Variants in ART5 observed in about 807,000 individuals in gnomAD.
ART5 encodes the protein ADP-ribosyltransferase 5, also known as ecto-ADP-ribosyltransferase 5.
Under a neutral mutation model 25.0 loss-of-function variants are expected in ART5, and 22 were observed. The ratio of observed to expected loss-of-function variants is 0.88; its 90% CI spans 0.63 to 1.26. The LOEUF is 1.26. Among genes scored for constraint, ART5 ranks in the 50% most tolerant of loss-of-function variants. The probability of loss-of-function intolerance (pLI) is 0.00; values close to 1 mark genes in which losing one functional copy is unlikely to be tolerated. For missense variants in ART5, 402 were observed against 372.8 expected, an observed-to-expected ratio of 1.08 and a Z score of -0.64; for synonymous variants, 161 against 154.8, an observed-to-expected ratio of 1.04 and a Z score of -0.30.
At position 3,639,894 on chromosome 11, in the gene ART5, C is replaced by T. The variant is rs1249097353; in HGVS notation, c.535G>A (p.Gly179Ser). 1.2e-6 allele frequency: 2 copies of T among 1,614,026 alleles called. No homozygotes were observed. The highest frequency in any genetic ancestry group is 2.2e-5 in the East Asian group (1 of 44,884). ...PKRLGDSVRLGQFASSSLDKA... is the reference protein window; with the variant it reads ...PKRLGDSVRLSQFASSSLDKA... Reference sequence around the variant, plus strand: ...TCCAGGGAGCTGGAGGCAAACTGGCCCAAGCGGACAGAGTCTCCCAGCCTC... The same window carrying T: ...TCCAGGGAGCTGGAGGCAAACTGGCTCAAGCGGACAGAGTCTCCCAGCCTC... Residue 179 changes from glycine to serine, a missense_variant, in exon 2 of 4, where the codon GGC becomes AGC. Physicochemically the swap from Gly to Ser is moderately conservative, Grantham distance 56 (BLOSUM62 0). Transcript: ENST00000397068.
Position 3,638,606 on chromosome 11 carries a change from CT to C in ART5, c.*131del. 8.7e-7 allele frequency: 1 copy of C among 1,147,116 alleles called. No homozygotes were observed. Among genetic ancestry groups the C allele is most frequent in the Non-Finnish European group, 1.3e-6 (1 of 774,090 alleles). 71.1% of individuals were successfully genotyped at this position (1,147,116 alleles called of 1,614,324 possible). ...GTTCAATCAAGTGGCTGCCTCAGTA[CT>C]TTCCTTGCTTGTCCCAGGAAGTCCC... On this transcript the variant is annotated 3_prime_UTR_variant, in exon 4 of 4. Transcript: ENST00000397068.
intron 1 of ART5, among the ~76,000 whole-genome samples, chr11:3,640,676 TCTCCCACCTCAGC>T (rs2077383612): frequency 6.6e-6 from 1 of 151,482 alleles, no homozygotes; most frequent in South Asian, 2.1e-4. Context: ...TTGGAGTGAT[TCTCCCACCTCAGC>T]CTCCCAACTA....
At chr11:3,642,249 G>A (rs1354008263), upstream of ART5, 2 of 1,041,682 alleles carry the variant, frequency 1.9e-6, no homozygotes, top group Non-Finnish European at 2.3e-6. Flanking sequence ...GTCCCCGGAG[G>A]AGTCCGGAGT....
At position 3,639,889 on chromosome 11, in the gene ART5, C is replaced by A. The variant is rs2077366288; in HGVS notation, c.540G>T (p.Gln180His). Residue 180 changes from glutamine (Q) to histidine (H), a missense_variant, in exon 2 of 4, where the codon CAG becomes CAT. Physicochemically the swap from Gln to His is conservative, Grantham distance 24. Transcript: ENST00000397068. ...KRLGDSVRLG[Q>H]FASSSLDKAV... is the part of the protein sequence containing the mutation. ...CCTTATCCAGGGAGCTGGAGGCAAA[C>A]TGGCCCAAGCGGACAGAGTCTCCCA... is the stretch of plus-strand genomic sequence containing the variant. 1 of 1,614,056 alleles carries A rather than the reference C, an allele frequency of 6.2e-7. No individual in the cohort carries two copies. The highest frequency in any genetic ancestry group is 1.7e-5 in the Admixed American group (1 of 60,002).
At chr11:3,642,282 G>A (rs1052007555), upstream of ART5, 2 of 1,031,974 alleles carry the variant, frequency 1.9e-6, no homozygotes, top group Non-Finnish European at 2.3e-6. Context: ...AAAGGTTCTC[G>A]AGGCTAACTG....
In ART5 at chr11:3,639,846, CA is replaced by C. The variant is rs2077365905; in HGVS notation, c.582del (p.Phe194LeufsTer9). The C allele has an allele frequency of 1.2e-6, 2 of 1,614,178 alleles. No homozygotes were observed. The highest frequency in any genetic ancestry group is 1.7e-6 in the Non-Finnish European group (2 of 1,180,024). On this transcript the variant is annotated frameshift_variant, in exon 2 of 4. Transcript: ENST00000397068. LOFTEE classifies it high-confidence loss of function. ...SSLDKAVAHR[F>X]GNATLFSLTT... is the part of the protein sequence containing the mutation. ...GTTAGAGAGAAGAGGGTGGCATTAC[CA>C]AATCTGTGGGCCACTGCCTTATCCA...
At position 3,639,007 on chromosome 11, in the gene ART5, C is replaced by A; in HGVS notation, c.816G>T (p.Ala272=). 1.3e-6 allele frequency: 2 copies of A among 1,553,490 alleles called. No homozygotes were observed. The highest frequency in any genetic ancestry group is 3.9e-5 in the Admixed American group (2 of 51,364). ...GGEKRRGCVS[A]PGALGTGDLH... is the part of the protein sequence containing the mutation. ...GAGGATGGAAGGGCAACTCACCTGGCGCAGACACACAGCCCCGCCTCTTCT... is the reference window on the plus strand; with the variant it reads ...GAGGATGGAAGGGCAACTCACCTGGAGCAGACACACAGCCCCGCCTCTTCT... The change falls in exon 3 of 4, where the codon GCG becomes GCT. Residue 272 remains alanine (A), a synonymous_variant. Coordinates refer to ENST00000397068, the MANE Select transcript of ART5 (RefSeq NM_053017.5).
upstream of ART5, chr11:3,642,252 TC>T (rs2077416509): frequency 9.5e-7 from 1 of 1,053,286 alleles, no homozygotes; most frequent in Non-Finnish European, 1.2e-6. Context: ...CCCGGAGGAG[TC>T]CGGAGTCCGG....
In ART5 at chr11:3,638,708, G is replaced by C. The variant is rs552922127; in HGVS notation, c.*30C>G. ...ATCCTGGTTGGGGAGAAGGCTGCTA[G>C]GGCTGGGTCCGGAACCATGTTCTTG... On this transcript the variant is annotated 3_prime_UTR_variant, in exon 4 of 4. Transcript: ENST00000397068. 5 of 1,613,944 alleles carry C rather than the reference G, an allele frequency of 3.1e-6. No individual in the cohort carries two copies. In the African/African-American group the frequency reaches 4.0e-5, roughly 13 times the overall value.
intron 3 of ART5, 96 bp from the exon 4 acceptor site, chr11:3,638,889 G>A: frequency 6.2e-7 from 1 of 1,610,652 alleles, no homozygotes; most frequent in South Asian, 1.1e-5. Context: ...CAGAGAGGAG[G>A]CCCCCTCAGA....
rs148523079 is a variant in ART5 at position 3,639,026 on chromosome 11, C to A, written c.797G>T (p.Arg266Met). The A allele has an allele frequency of 7.3e-3, 11,263 of 1,552,804 alleles. 53 individuals are homozygous for A. The highest frequency in any genetic ancestry group is 8.8e-3 in the South Asian group (739 of 84,178). The stretch of plus-strand genomic sequence containing the variant: ...ACCTGGCGCAGACACACAGCCCCGC[C>A]TCTTCTCCCCTGCAACAGACAGCAG... ...FNCAYLGGEKRRGCVSAPGAL... is the reference protein window; with the variant it reads ...FNCAYLGGEKMRGCVSAPGAL... The change falls in exon 3 of 4, where the codon AGG becomes ATG. Residue 266 changes from arginine to methionine, a missense_variant. By Grantham distance (91) the Arg-to-Met change is moderately conservative. Coordinates refer to ENST00000397068, the MANE Select transcript of ART5 (RefSeq NM_053017.5).
rs1416300682 is a variant in ART5, at chr11:3,640,285, C to G, written c.144G>C (p.Glu48Asp). The G allele has an allele frequency of 2.0e-5, 32 of 1,613,286 alleles. No individual in the cohort carries two copies. Among genetic ancestry groups the G allele is most frequent in the African/African-American group, 2.7e-5 (2 of 74,950 alleles). ...CCTCCTTTAGCAGGGGGGCTGCCTTCTCCTCCATCTCCTCTGCACAACCCA... is the reference window on the plus strand; with the variant it reads ...CCTCCTTTAGCAGGGGGGCTGCCTTGTCCTCCATCTCCTCTGCACAACCCA... ...TYVGCAEEME[E>D]KAAPLLKEEM... The change falls in exon 2 of 4, where the codon GAG becomes GAC. Residue 48 changes from glutamate to aspartate, a missense_variant. Physicochemically the swap from Glu to Asp is conservative, Grantham distance 45. Coordinates refer to ENST00000397068, the MANE Select transcript of ART5 (RefSeq NM_053017.5).
In ART5 at chr11:3,639,992, C is replaced by G. The variant is rs1383881534; in HGVS notation, c.437G>C (p.Gly146Ala). 1 of 1,614,050 alleles carries G rather than the reference C, an allele frequency of 6.2e-7. No homozygotes were observed. Among genetic ancestry groups the G allele is most frequent in the Non-Finnish European group, 8.5e-7 (1 of 1,180,040 alleles). The part of the protein sequence containing the change: ...YLIRALQLLR[G>A]SGGCSRGPGE... ...AGGTCCCCTGCTGCAGCCCCCACTGCCTCGCAGCAGCTGCAGGGCCCGGAT... is the reference window on the plus strand; with the variant it reads ...AGGTCCCCTGCTGCAGCCCCCACTGGCTCGCAGCAGCTGCAGGGCCCGGAT... The change falls in exon 2 of 4, where the codon GGC becomes GCC. Residue 146 changes from glycine to alanine, a missense_variant. Coordinates refer to ENST00000397068, the MANE Select transcript of ART5 (RefSeq NM_053017.5).
At position 3,639,796 on chromosome 11, in the gene ART5, C is replaced by T. The variant is rs777061748; in HGVS notation, c.633G>A (p.Gln211=). 1.2e-6 allele frequency: 2 copies of T among 1,614,178 alleles called. No individual in the cohort carries two copies. Among genetic ancestry groups the T allele is most frequent in the Non-Finnish European group, 1.7e-6 (2 of 1,180,030 alleles). ...GCTCCTTGGGAAAGACAGAGAAGGCCTGTATAGGGGCCCCAAAGCAAGTTG... is the reference window on the plus strand; with the variant it reads ...GCTCCTTGGGAAAGACAGAGAAGGCTTGTATAGGGGCCCCAAAGCAAGTTG... ...SLTTCFGAPI[Q]AFSVFPKERE... The change falls in exon 2 of 4, where the codon CAG becomes CAA. Residue 211 remains glutamine (Q), a synonymous_variant. Transcript: ENST00000397068.
upstream of ART5, chr11:3,642,261 C>T (rs796950257): frequency 2.3e-5 from 24 of 1,055,966 alleles, no homozygotes; most frequent in African/African-American, 2.2e-4. Flanking sequence ...GTCCGGAGTC[C>T]GGCTGAAAGC....
chr11:3,639,913 C>T lies in ART5; in HGVS notation c.516G>A (p.Leu172=). ...ACTGGCCCAAGCGGACAGAGTCTCCCAGCCTCTTGGGTTCAAAGCGAAGGC... is the reference window on the plus strand; with the variant it reads ...ACTGGCCCAAGCGGACAGAGTCTCCTAGCCTCTTGGGTTCAAAGCGAAGGC... ...VGSLRFEPKR[L]GDSVRLGQFA... is the part of the protein sequence containing the mutation. Residue 172 remains leucine, a synonymous_variant, in exon 2 of 4, where the codon CTG becomes CTA. Coordinates refer to ENST00000397068, the MANE Select transcript of ART5 (RefSeq NM_053017.5). 6.2e-7 allele frequency: 1 copy of T among 1,614,148 alleles called. No homozygotes were observed. Among genetic ancestry groups the T allele is most frequent in the Non-Finnish European group, 8.5e-7 (1 of 1,179,998 alleles).
chr11:3,639,440 T>C (rs1290964922), intron 2 of ART5, among the ~76,000 whole-genome samples: 1 of 152,202 alleles, frequency 6.6e-6, no homozygotes, highest in Non-Finnish European at 1.5e-5. Flanking sequence ...TAGAATCATC[T>C]AAGAATGTTC....
At chr11:3,638,891 C>G (rs2271588) in intron 3 of ART5, 98 bp from the exon 4 acceptor site, 10 of 1,609,934 alleles carry the variant, frequency 6.2e-6, no homozygotes, top group East Asian at 4.5e-5. Context: ...GAGAGGAGGC[C>G]CCCTCAGATT....
Position 3,640,356 on chromosome 11 carries a change from T to TGGC in ART5, c.72_73insGCC (p.Pro24_Ile25insAla), listed in dbSNP as rs2133929143. 1 of 1,457,252 alleles carries TGGC rather than the reference T, an allele frequency of 6.9e-7. No homozygotes were observed. Among genetic ancestry groups the TGGC allele is most frequent in the Non-Finnish European group, 9.0e-7 (1 of 1,109,556 alleles). 90.3% of individuals were successfully genotyped at this position (1,457,252 alleles called of 1,614,324 possible). On this transcript the variant is annotated inframe_insertion, in exon 2 of 4. Coordinates refer to ENST00000397068, the MANE Select transcript of ART5 (RefSeq NM_053017.5). ...TCTGGAGCCAGGCCCAGGGGCAGGA[T>TGGC]GGGAACAGCCTGGGCCTGTGGAGCA... is the stretch of plus-strand genomic sequence containing the variant.
Sources: allele counts gnomAD v4.1 joint callset (sites outside exome capture counted in the v4.1 genomes callset), GRCh38; gene constraint gnomAD v4.1.1; transcripts MANE v1.5; gene names NCBI Gene and HGNC (gene_info 2026-07-23, HGNC 2026-07-21).